Variants in COL5A1 observed in about 807,000 individuals in gnomAD.
COL5A1 encodes the protein collagen type V alpha 1 chain, also known as collagen alpha-1(V) chain.
Under a neutral mutation model 263.7 loss-of-function variants are expected in COL5A1, and 16 were observed. That is an observed-to-expected ratio of 0.06 (90% CI 0.04 to 0.09). The LOEUF (loss-of-function observed/expected upper bound fraction) is 0.09, where lower values mean the gene tolerates loss of function less well. Among genes scored for constraint, COL5A1 ranks in the 10% least tolerant of loss-of-function variants. COL5A1 has a pLI of 1.00. For synonymous variants in COL5A1, 1,012 were observed against 1,004.5 expected (o/e 1.01, Z -0.14); for missense variants, 2,036 against 2,540.5 (o/e 0.80, Z 4.27).
chr9:134,738,439 C>T (rs764771619), intron 9 of COL5A1, 35 bp from the exon 10 acceptor site: 7 of 1,613,640 alleles, frequency 4.3e-6, no homozygotes, highest in Non-Finnish European at 4.2e-6. Context: ...GAGGGATGGG[C>T]TGCGGTCTCA....
chr9:134,778,753 T>G (rs957185276), intron 27 of COL5A1, among the ~76,000 whole-genome samples: 14 of 152,344 alleles, frequency 9.2e-5, no homozygotes, highest in Admixed American at 4.6e-4. Flanking sequence ...AGACATGACT[T>G]CAGCAATGGT....
At chr9:134,771,089 G>C (rs746158941) in intron 25 of COL5A1, among the ~76,000 whole-genome samples, 2 of 152,242 alleles carry the variant, frequency 1.3e-5, no homozygotes, top group Non-Finnish European at 2.9e-5. Flanking sequence ...CCGCAGCGGC[G>C]CTGTGTGCAG....
chr9:134,766,922 T>C (rs1244758750), intron 22 of COL5A1, 78 bp from the exon 23 acceptor site: 10 of 1,368,610 alleles, frequency 7.3e-6, no homozygotes, highest in Non-Finnish European at 1.0e-5. Flanking sequence ...GGGAGGCCAG[T>C]GAGGGGGCAC....
At chr9:134,708,456 A>T (rs766371505) in intron 4 of COL5A1, 1 of 434,978 alleles carries the variant, frequency 2.3e-6, no homozygotes, top group Non-Finnish European at 4.6e-6. Context: ...CTGACACAGG[A>T]CACTGTCACC....
At chr9:134,822,720 G>T (rs35328624) in intron 59 of COL5A1, among the ~76,000 whole-genome samples, 1 of 141,764 alleles carries the variant, frequency 7.1e-6, no homozygotes, top group Admixed American at 6.9e-5. Flanking sequence ...TTTCCGCTGC[G>T]CCCCCCCCGC....
chr9:134,811,859 G>C (rs2132845964), intron 46 of COL5A1, among the ~76,000 whole-genome samples: 1 of 152,340 alleles, frequency 6.6e-6, no homozygotes, highest in South Asian at 2.1e-4. Context: ...CATAGTAACA[G>C]TGACTTCTAA....
chr9:134,683,011 G>A (rs76372391), intron 1 of COL5A1, among the ~76,000 whole-genome samples: 1,852 of 152,292 alleles, frequency 0.012, 31 homozygotes, highest in African/African-American at 0.042. Flanking sequence ...AGGAGCGTGC[G>A]ATCCCACGGC....
rs1833532676 is a variant in COL5A1 at position 134,697,775 on chromosome 9, C to T, written c.278-2134C>T. On this transcript the variant is annotated intron_variant, in intron 2 of 65. Coordinates refer to ENST00000371817, the MANE Select transcript of COL5A1 (RefSeq NM_000093.5). ...AGGTGGGACCAGCTAAGGCTGTCAT[C>T]TCCAGAGTCCCCCGCCCACATCCCC... 2.0e-5 allele frequency among the ~76,000 whole-genome samples: 3 copies of T among 152,300 alleles called. No individual in the cohort carries two copies. In the South Asian group the frequency reaches 6.2e-4, roughly 32 times the overall value.
intron 26 of COL5A1, 115 bp downstream of exon 26, chr9:134,772,949 A>G: frequency 9.0e-7 from 1 of 1,110,448 alleles, no homozygotes; most frequent in Non-Finnish European, 1.4e-6. Context: ...AGCCGGGGAC[A>G]CTCAGCCCTT....
chr9:134,728,857 G>A (rs375730828), intron 6 of COL5A1, 50 bp downstream of exon 6: 515 of 1,611,556 alleles, frequency 3.2e-4, no homozygotes, highest in Non-Finnish European at 4.0e-4. Context: ...CGAGGCCATG[G>A]TGCAGGGGAG....
intron 28 of COL5A1, among the ~76,000 whole-genome samples, chr9:134,781,286 C>A (rs1837244264): frequency 6.6e-6 from 1 of 152,274 alleles, no homozygotes; most frequent in Non-Finnish European, 1.5e-5. Flanking sequence ...AGGCCTGAGC[C>A]TGTGCCATCT....
intron 44 of COL5A1, 154 bp downstream of exon 44, chr9:134,810,462 C>CGT (rs1173885493): frequency 5.7e-6 from 4 of 699,800 alleles, no homozygotes; most frequent in South Asian, 5.4e-5. Flanking sequence ...GTTCCCACAA[C>CGT]GTGTGTGTGT....
rs7851471 is a variant in COL5A1 at position 134,805,370 on chromosome 9, A to G, written c.3258+156A>G. Among the ~76,000 whole-genome samples the G allele has an allele frequency of 0.69, 104,655 of 152,010 alleles. 37,432 individuals are homozygous for G. Among genetic ancestry groups the G allele is most frequent in the African/African-American group, 0.89 (37,053 of 41,520 alleles). On this transcript the variant is annotated intron_variant, in intron 41 of 65. Transcript: ENST00000371817. Reference sequence around the variant, plus strand: ...GAAAATGGCCTTCAGGGAGATGCGGACGGCGCATCCCAAGCTGGCAGCCAG... The same window carrying G: ...GAAAATGGCCTTCAGGGAGATGCGGGCGGCGCATCCCAAGCTGGCAGCCAG...
intron 1 of COL5A1, among the ~76,000 whole-genome samples, chr9:134,648,005 T>C (rs1831533101): frequency 6.6e-6 from 1 of 152,078 alleles, no homozygotes; most frequent in Non-Finnish European, 1.5e-5. Flanking sequence ...GAGATTAACA[T>C]TTGAATCAGT....
At chr9:134,746,497 G>A (rs1031575351) in intron 11 of COL5A1, among the ~76,000 whole-genome samples, 11 of 152,362 alleles carry the variant, frequency 7.2e-5, no homozygotes, top group Admixed American at 2.0e-4. Flanking sequence ...ACAGTTTCAC[G>A]TGCTGAATCT....
At chr9:134,828,674 C>T (rs1253222871) in intron 63 of COL5A1, among the ~76,000 whole-genome samples, 4 of 151,516 alleles carry the variant, frequency 2.6e-5, no homozygotes, top group Non-Finnish European at 5.9e-5. Context: ...ACCCATAATG[C>T]GCCATACACA....
At chr9:134,720,538 G>A (rs372785697) in intron 4 of COL5A1, among the ~76,000 whole-genome samples, 2 of 152,288 alleles carry the variant, frequency 1.3e-5, no homozygotes, top group East Asian at 1.9e-4. Context: ...TATGGCGGTC[G>A]GGCTGGGCAT....
At chr9:134,737,025 TTGC>T (rs1835124901) in intron 9 of COL5A1, among the ~76,000 whole-genome samples, 1 of 152,232 alleles carries the variant, frequency 6.6e-6, no homozygotes, top group Non-Finnish European at 1.5e-5. Flanking sequence ...AGCCTCGTCC[TTGC>T]TGCCCTCCCA....
At chr9:134,772,964 A>T (rs886556024) in intron 26 of COL5A1, 130 bp downstream of exon 26, 5 of 984,580 alleles carry the variant, frequency 5.1e-6, no homozygotes, top group Non-Finnish European at 6.4e-6. Context: ...GCCCTTCCTC[A>T]GGTGTCTCCG....
Sources: allele counts gnomAD v4.1 joint callset (sites outside exome capture counted in the v4.1 genomes callset), GRCh38; gene constraint gnomAD v4.1.1; transcripts MANE v1.5; gene names NCBI Gene and HGNC (gene_info 2026-07-23, HGNC 2026-07-21).